ROBO1: variants seen among roughly 807,000 people sequenced by gnomAD.
The protein encoded by ROBO1 is roundabout guidance receptor 1.
Under a neutral mutation model 195.9 loss-of-function variants are expected in ROBO1, and 149 were observed. The ratio of observed to expected loss-of-function variants is 0.76; its 90% CI spans 0.67 to 0.87. The LOEUF is 0.87. Ranked by LOEUF, ROBO1 falls within the 40% of genes least tolerant of loss-of-function variation. The pLI, the probability that ROBO1 is intolerant of heterozygous loss-of-function variation, is 0.00. For missense variants in ROBO1, 1,933 were observed against 2,068.3 expected, an observed-to-expected ratio of 0.93 and a Z score of 1.27; for synonymous variants, 816 against 733.2, an observed-to-expected ratio of 1.11 and a Z score of -1.82.
At chr3:78,742,862 T>G (rs1010750813) in intron 5 of ROBO1, among the ~76,000 whole-genome samples, 6 of 152,206 alleles carry the variant, frequency 3.9e-5, no homozygotes, top group African/African-American at 1.4e-4. Flanking sequence ...GTGGGGGAAC[T>G]GGTGCTCTTT....
chr3:79,405,794 G>T (rs1378351860), intron 2 of ROBO1, among the ~76,000 whole-genome samples: 1 of 152,130 alleles, frequency 6.6e-6, no homozygotes, highest in Non-Finnish European at 1.5e-5. Flanking sequence ...AAATATGGTA[G>T]TTTGGGAAAG....
intron 8 of ROBO1, among the ~76,000 whole-genome samples, chr3:78,691,336 G>C (rs2107858787): frequency 6.6e-6 from 1 of 151,958 alleles, no homozygotes; most frequent in East Asian, 1.9e-4. Flanking sequence ...ACATAATCAG[G>C]TTACCAAGAT....
intron 2 of ROBO1, among the ~76,000 whole-genome samples, chr3:79,138,788 A>G (rs1185407562): frequency 6.6e-6 from 1 of 151,922 alleles, no homozygotes; most frequent in Non-Finnish European, 1.5e-5. Flanking sequence ...AGTTTTACAA[A>G]TTCCCTCTGA....
intron 4 of ROBO1, among the ~76,000 whole-genome samples, chr3:78,905,965 T>C (rs1161986233): frequency 1.3e-5 from 2 of 152,172 alleles, no homozygotes; most frequent in Admixed American, 6.5e-5. Flanking sequence ...GCTAACAGCA[T>C]GACTGTCAAG....
intron 4 of ROBO1, among the ~76,000 whole-genome samples, chr3:78,799,563 G>C (rs867941377): frequency 3.3e-5 from 5 of 151,804 alleles, no homozygotes; most frequent in Admixed American, 1.3e-4. Context: ...GGATGGTCTC[G>C]ATCTCCTGAC....
intron 29 of ROBO1, among the ~76,000 whole-genome samples, chr3:78,605,545 G>A (rs1170004158): frequency 6.6e-6 from 1 of 152,170 alleles, no homozygotes; most frequent in African/African-American, 2.4e-5. Flanking sequence ...CATTATCTCT[G>A]CTGAAATTCA....
At chr3:78,765,049 A>G (rs962430949) in intron 4 of ROBO1, among the ~76,000 whole-genome samples, 13 of 152,130 alleles carry the variant, frequency 8.5e-5, no homozygotes, top group African/African-American at 3.1e-4. Context: ...TTTCAAATGT[A>G]TATTTTAGAC....
At position 78,600,134 on chromosome 3, in the gene ROBO1, T is replaced by A. The variant is rs767355459; in HGVS notation, c.4920A>T (p.Glu1640Asp). 2.5e-6 allele frequency: 4 copies of A among 1,612,846 alleles called. No individual in the cohort carries two copies. The South Asian group carries it at 4.4e-5, about 18-fold the overall frequency. Residue 1640 changes from glutamate (E) to aspartate (D), a missense_variant, in exon 30 of 31, where the codon GAA (glutamate) becomes GAT (aspartate). Around this residue, in one of 3 missense-constraint regions of ROBO1, gnomAD observed 1,737 missense variants for 1,882.5 expected, o/e 0.92. Coordinates refer to ENST00000464233, the MANE Select transcript of ROBO1 (RefSeq NM_002941.4). ...ATACCTCTAATTCTTCATTATTATCTTCTCCTCTTTCATATCCTCCAAGTA... is the reference window on the plus strand; with the variant it reads ...ATACCTCTAATTCTTCATTATTATCATCTCCTCTTTCATATCCTCCAAGTA... ...MQVLGGYERG[E>D]DNNEELEETE...
At chr3:79,450,691 T>C (rs542923469) in intron 2 of ROBO1, among the ~76,000 whole-genome samples, 51 of 152,046 alleles carry the variant, frequency 3.4e-4, no homozygotes, top group African/African-American at 1.2e-3. Context: ...TTTTATAAGA[T>C]TTATATAAGA....
chr3:78,837,904 T>G (rs1451296675), intron 4 of ROBO1, among the ~76,000 whole-genome samples: 1 of 152,188 alleles, frequency 6.6e-6, no homozygotes, highest in Non-Finnish European at 1.5e-5. Context: ...AATGCTTAAT[T>G]CTGATTATAA....
chr3:79,757,811 C>T (rs1704488252), intron 1 of ROBO1, among the ~76,000 whole-genome samples: 1 of 144,802 alleles, frequency 6.9e-6, no homozygotes, highest in Non-Finnish European at 1.5e-5. Flanking sequence ...GGAATTATGA[C>T]CACTGGCTCA....
intron 2 of ROBO1, among the ~76,000 whole-genome samples, chr3:79,449,504 G>A (rs1435106191): frequency 1.3e-5 from 2 of 152,012 alleles, no homozygotes; most frequent in Non-Finnish European, 1.5e-5. Flanking sequence ...AAATAAAAAC[G>A]ACCCTGTGTA....
At chr3:79,232,455 G>C (rs1237573767) in intron 2 of ROBO1, among the ~76,000 whole-genome samples, 1 of 149,344 alleles carries the variant, frequency 6.7e-6, no homozygotes, top group Admixed American at 6.7e-5. Flanking sequence ...GAAAACTTAA[G>C]AGAAAAAAAA....
At chr3:78,714,656 A>G in intron 7 of ROBO1, 132 bp from the exon 8 acceptor site, 3 of 763,736 alleles carry the variant, frequency 3.9e-6, no homozygotes, top group Non-Finnish European at 5.8e-6. Flanking sequence ...AAAACATGGT[A>G]TTCCTCTAAG....
chr3:79,750,329 G>A (rs11714824), intron 1 of ROBO1, among the ~76,000 whole-genome samples: 58,374 of 152,042 alleles, frequency 0.38, 11,465 homozygotes, highest in East Asian at 0.44. Flanking sequence ...AGGCAAAAGG[G>A]ACTTGCCTTG....
chr3:79,306,920 G>C, intron 2 of ROBO1, among the ~76,000 whole-genome samples: 1 of 152,190 alleles, frequency 6.6e-6, no homozygotes, highest in Admixed American at 6.5e-5. Flanking sequence ...TATGATGCCA[G>C]ATTATTCAAG....
At chr3:79,054,717 C>T (rs1001255349) in intron 3 of ROBO1, among the ~76,000 whole-genome samples, 3 of 152,210 alleles carry the variant, frequency 2.0e-5, no homozygotes, top group African/African-American at 7.2e-5. Flanking sequence ...CTACTGTTTG[C>T]CCACGTTGTT....
At chr3:78,903,550 TACACACAC>T (rs146975185) in intron 4 of ROBO1, among the ~76,000 whole-genome samples, 2 of 143,370 alleles carry the variant, frequency 1.4e-5, no homozygotes, top group African/African-American at 2.5e-5. Flanking sequence ...ATAAAAGAAG[TACACACAC>T]ACACACACAC....
chr3:79,616,245 T>C (rs964189241), intron 1 of ROBO1, among the ~76,000 whole-genome samples: 1 of 152,198 alleles, frequency 6.6e-6, no homozygotes, highest in African/African-American at 2.4e-5. Context: ...GTGTACCAGT[T>C]GTGGGCCATT....
Sources: allele counts gnomAD v4.1 joint callset (sites outside exome capture counted in the v4.1 genomes callset), GRCh38; gene constraint gnomAD v4.1.1; regional missense constraint gnomAD v4.1.1; transcripts MANE v1.5; gene names NCBI Gene and HGNC (gene_info 2026-07-23, HGNC 2026-07-21).